PLD5: variants seen among roughly 807,000 people sequenced by gnomAD.
PLD5 encodes the protein inactive phospholipase D5.
Under a neutral mutation model 61.1 loss-of-function variants are expected in PLD5, and 36 were observed. The observed-to-expected ratio is 0.59, with a 90% confidence interval of 0.45 to 0.78. The LOEUF (loss-of-function observed/expected upper bound fraction) is 0.78. Ranked by LOEUF, PLD5 falls within the 30% of genes least tolerant of loss-of-function variation. The probability of loss-of-function intolerance (pLI) is 0.00; values close to 1 mark genes in which losing one functional copy is unlikely to be tolerated. For missense variants in PLD5, 515 were observed against 644.4 expected, an observed-to-expected ratio of 0.80 and a Z score of 2.17; for synonymous variants, 243 against 242.8, an observed-to-expected ratio of 1.00 and a Z score of -0.01.
intron 4 of PLD5, among the ~76,000 whole-genome samples, chr1:242,261,058 T>G (rs144977570): frequency 0.012 from 1,842 of 152,286 alleles, 49 homozygotes; most frequent in African/African-American, 0.042. Context: ...TTTCAAAACC[T>G]GAAGGTCCAA....
At chr1:242,445,281 C>G (rs1047884427) in intron 1 of PLD5, among the ~76,000 whole-genome samples, 3 of 152,142 alleles carry the variant, frequency 2.0e-5, no homozygotes, top group Non-Finnish European at 4.4e-5. Context: ...CACCAGACAC[C>G]AAATCTGCTA....
intron 1 of PLD5, among the ~76,000 whole-genome samples, chr1:242,522,390 G>A (rs576386674): frequency 6.6e-6 from 1 of 152,274 alleles, no homozygotes; most frequent in African/African-American, 2.4e-5. Flanking sequence ...TGGCACACAT[G>A]GTATGACTTG....
At chr1:242,462,491 G>A (rs140126241) in intron 1 of PLD5, among the ~76,000 whole-genome samples, 10 of 151,974 alleles carry the variant, frequency 6.6e-5, no homozygotes, top group African/African-American at 1.2e-4. Context: ...AGGAACGGGC[G>A]TGGGTTGAAA....
At chr1:242,427,177 C>A (rs1162068018) in intron 1 of PLD5, among the ~76,000 whole-genome samples, 1 of 152,140 alleles carries the variant, frequency 6.6e-6, no homozygotes, top group Non-Finnish European at 1.5e-5. Flanking sequence ...CTAGAATTAC[C>A]TTGATCAACA....
intron 5 of PLD5, among the ~76,000 whole-genome samples, chr1:242,158,131 C>T (rs1362349243): frequency 6.6e-6 from 1 of 152,188 alleles, no homozygotes; most frequent in Non-Finnish European, 1.5e-5. Context: ...CTAATCAAGC[C>T]TCAGCAATGG....
intron 5 of PLD5, among the ~76,000 whole-genome samples, chr1:242,188,255 CAG>C (rs1574478958): frequency 6.6e-6 from 1 of 152,082 alleles, no homozygotes; most frequent in Admixed American, 6.5e-5. Flanking sequence ...GGCTGAAGAA[CAG>C]AGTCAACTAA....
intron 4 of PLD5, among the ~76,000 whole-genome samples, chr1:242,250,851 A>G (rs1025448958): frequency 2.0e-5 from 3 of 152,090 alleles, no homozygotes; most frequent in African/African-American, 7.2e-5. Flanking sequence ...GAGAAATGAT[A>G]AAGGCCTAAG....
At chr1:242,397,538 A>G (rs1373259607) in intron 1 of PLD5, among the ~76,000 whole-genome samples, 1 of 152,020 alleles carries the variant, frequency 6.6e-6, no homozygotes, top group East Asian at 1.9e-4. Flanking sequence ...AGCAATCTCC[A>G]TAAGGCTCAA....
intron 1 of PLD5, among the ~76,000 whole-genome samples, chr1:242,516,099 C>T (rs1558163025): frequency 6.6e-6 from 1 of 151,910 alleles, no homozygotes; most frequent in Non-Finnish European, 1.5e-5. Context: ...TTTGATTATC[C>T]TCTTTTGTGA....
chr1:242,162,025 T>A (rs1665878179), intron 5 of PLD5, among the ~76,000 whole-genome samples: 1 of 152,178 alleles, frequency 6.6e-6, no homozygotes, highest in African/African-American at 2.4e-5. Flanking sequence ...AGTTATTGCC[T>A]ATTTGGTAGG....
At chr1:242,252,273 C>T (rs933327106) in intron 4 of PLD5, among the ~76,000 whole-genome samples, 2 of 152,228 alleles carry the variant, frequency 1.3e-5, no homozygotes, top group African/African-American at 2.4e-5. Context: ...TAACTCACAC[C>T]AGTTCTCGTG....
intron 2 of PLD5, among the ~76,000 whole-genome samples, chr1:242,338,718 T>C (rs1488482727): frequency 6.6e-6 from 1 of 152,164 alleles, no homozygotes; most frequent in Non-Finnish European, 1.5e-5. Context: ...CTGTGGAATG[T>C]AAACAATACT....
Position 242,349,840 on chromosome 1 carries a change from G to T in PLD5, c.190-1598C>A, listed in dbSNP as rs74829316. ...GATATTAGTAGATGGGGACTTTTGG[G>T]AGCTGATTAGGTCACGAAGACAGAG... On this transcript the variant is annotated intron_variant, in intron 1 of 9. Transcript: ENST00000536534. Among the ~76,000 whole-genome samples, 4 of 152,278 alleles carry T rather than the reference G, an allele frequency of 2.6e-5. No homozygotes were observed. The East Asian group carries it at 5.8e-4, about 22-fold the overall frequency.
chr1:242,494,874 T>TTTTC (rs200208813), intron 1 of PLD5, among the ~76,000 whole-genome samples: 26 of 121,802 alleles, frequency 2.1e-4, no homozygotes, highest in East Asian at 1.5e-3. Flanking sequence ...TTTTTTTTTC[T>TTTTC]TTTCTGTTTT....
chr1:242,394,301 TGA>T (rs1233300804), intron 1 of PLD5, among the ~76,000 whole-genome samples: 2,576 of 84,610 alleles, frequency 0.03, 105 homozygotes, highest in Admixed American at 0.044. Context: ...AGTATATATA[TGA>T]GTATATATGT....
At chr1:242,210,686 A>T (rs929403146) in intron 5 of PLD5, 75 of 151,484 alleles carry the variant, frequency 5.0e-4, no homozygotes, top group African/African-American at 1.8e-3. Context: ...CCTGCCCGCC[A>T]GGGAACAATC....
chr1:242,220,722 T>A (rs59648847), intron 4 of PLD5, among the ~76,000 whole-genome samples: 43,668 of 144,688 alleles, frequency 0.3, 6,758 homozygotes, highest in East Asian at 0.52. Flanking sequence ...TTATTTTATT[T>A]TATTTTATTT....
intron 1 of PLD5, among the ~76,000 whole-genome samples, chr1:242,471,000 C>T (rs1164786848): frequency 6.6e-6 from 1 of 152,196 alleles, no homozygotes; most frequent in Non-Finnish European, 1.5e-5. Flanking sequence ...CTGTAGATCC[C>T]CTTCCAGGCC....
chr1:242,318,400 G>A (rs1455750156), intron 2 of PLD5, among the ~76,000 whole-genome samples: 1 of 152,140 alleles, frequency 6.6e-6, no homozygotes, highest in African/African-American at 2.4e-5. Context: ...CGCTGCCAGT[G>A]GGCACTACCA....
Sources: allele counts gnomAD v4.1 joint callset (sites outside exome capture counted in the v4.1 genomes callset), GRCh38; gene constraint gnomAD v4.1.1; transcripts MANE v1.5; gene names NCBI Gene and HGNC (gene_info 2026-07-23, HGNC 2026-07-21).